VPS8: variants seen among roughly 807,000 people sequenced by gnomAD.
VPS8 encodes the protein VPS8 subunit of CORVET complex, also known as vacuolar protein sorting-associated protein 8 homolog.
A neutral mutation model predicts 216.4 loss-of-function variants in VPS8; 129 were observed. The ratio of observed to expected loss-of-function variants is 0.60; its 90% CI spans 0.52 to 0.69. VPS8 has a LOEUF of 0.69. Ranked by LOEUF, VPS8 falls within the 30% of genes least tolerant of loss-of-function variation. The pLI, the probability that VPS8 is intolerant of heterozygous loss-of-function variation, is 0.00. For missense variants in VPS8, 1,531 were observed against 1,683.5 expected (o/e 0.91, Z 1.59); for synonymous variants, 571 against 565.4 (o/e 1.01, Z -0.14).
chr3:185,023,093 C>A (rs569515310), intron 45 of VPS8, among the ~76,000 whole-genome samples: 1 of 152,264 alleles, frequency 6.6e-6, no homozygotes, highest in African/African-American at 2.4e-5. Context: ...ATGACTCTAC[C>A]CATCACCACC....
intron 5 of VPS8, 51 bp from the exon 6 acceptor site, chr3:184,838,663 T>C (rs1446302686): frequency 1.4e-6 from 2 of 1,432,894 alleles, no homozygotes; most frequent in East Asian, 2.5e-5. Flanking sequence ...TACCATTTTC[T>C]GTTTTAAAAT....
At position 184,915,073 on chromosome 3, in the gene VPS8, C is replaced by A. The variant is rs1737288552; in HGVS notation, c.2262+20C>A. 6.2e-7 allele frequency: 1 copy of A among 1,611,022 alleles called. No individual in the cohort carries two copies. The highest frequency in any genetic ancestry group is 1.3e-5 in the African/African-American group (1 of 74,980). On this transcript the variant is annotated intron_variant, in intron 27 of 47. Coordinates refer to ENST00000625842, the MANE Select transcript of VPS8 (RefSeq NM_001009921.3). ...AACCAGGTTGGTACTATTTTTATAG[C>A]CTTTTGACTGTTCTCCGTCTCTGGT...
rs758806246 is a variant in VPS8, at chr3:184,862,951, A to G, written c.1279A>G (p.Ile427Val). The G allele has an allele frequency of 1.9e-6, 3 of 1,613,958 alleles. No homozygotes were observed. The highest frequency in any genetic ancestry group is 2.5e-6 in the Non-Finnish European group (3 of 1,179,824). ...AGACAGCGTAGAGAAGTTGCATGTG[A>G]TTGATCGGCAAACACAAGAGGAATT... Reference protein sequence around the residue: ...LLDSVEKLHVIDRQTQEELET... With the variant: ...LLDSVEKLHVVDRQTQEELET... Residue 427 changes from isoleucine to valine, a missense_variant, in exon 16 of 48, where the codon ATT becomes GTT. By Grantham distance (29) the Ile-to-Val change is conservative. Around this residue, in one of 3 missense-constraint regions of VPS8, gnomAD observed 1,318 missense variants for 1,468.4 expected, o/e 0.90. Transcript: ENST00000625842.
intron 42 of VPS8, among the ~76,000 whole-genome samples, chr3:184,987,011 T>C (rs1751196451): frequency 6.6e-6 from 1 of 152,178 alleles, no homozygotes; most frequent in South Asian, 2.1e-4. Flanking sequence ...GACAAATGCA[T>C]AATGTCCTAT....
chr3:184,996,256 A>G (rs1326195008), intron 43 of VPS8, 76 bp from the exon 44 acceptor site: 2 of 1,449,022 alleles, frequency 1.4e-6, no homozygotes, highest in African/African-American at 1.4e-5. Flanking sequence ...AACAAGTGCT[A>G]TTCACCATTC....
At chr3:184,878,938 G>A (rs993754389) in intron 21 of VPS8, among the ~76,000 whole-genome samples, 25 of 152,080 alleles carry the variant, frequency 1.6e-4, no homozygotes, top group African/African-American at 5.1e-4. Flanking sequence ...TGGTGTATGC[G>A]TGTATACATA....
chr3:184,856,960 C>T (rs147149225), intron 14 of VPS8, among the ~76,000 whole-genome samples: 27 of 152,284 alleles, frequency 1.8e-4, no homozygotes, highest in East Asian at 1.2e-3. Flanking sequence ...TGGCCTCAAG[C>T]GTTCCTCCCA....
intron 42 of VPS8, among the ~76,000 whole-genome samples, chr3:184,990,887 T>C (rs1430654288): frequency 6.6e-6 from 1 of 151,326 alleles, no homozygotes; most frequent in Non-Finnish European, 1.5e-5. Context: ...GATCTTCACG[T>C]GTTTATTCAG....
chr3:185,002,248 G>A (rs1753516873), intron 45 of VPS8, among the ~76,000 whole-genome samples: 1 of 151,978 alleles, frequency 6.6e-6, no homozygotes, highest in South Asian at 2.1e-4. Context: ...ATCATGTTTA[G>A]GGAATTCCTT....
At chr3:184,997,065 A>G (rs1314909576) in intron 44 of VPS8, among the ~76,000 whole-genome samples, 2 of 152,218 alleles carry the variant, frequency 1.3e-5, no homozygotes, top group Non-Finnish European at 2.9e-5. Flanking sequence ...TGCCAGCTAG[A>G]CAGTTATTCA....
chr3:184,838,931 T>C, intron 6 of VPS8, 185 bp downstream of exon 6: 1 of 517,498 alleles, frequency 1.9e-6, no homozygotes, highest in Non-Finnish European at 3.3e-6. Context: ...TAATTTTTTG[T>C]TACTTTTTAG....
intron 44 of VPS8, among the ~76,000 whole-genome samples, chr3:184,998,903 A>T (rs1009738368): frequency 6.6e-6 from 1 of 151,404 alleles, no homozygotes; most frequent in Non-Finnish European, 1.5e-5. Context: ...TCTTTTTGAG[A>T]TGGAGTCTCA....
At chr3:185,005,624 A>T (rs1009198947) in intron 45 of VPS8, among the ~76,000 whole-genome samples, 13 of 142,086 alleles carry the variant, frequency 9.1e-5, no homozygotes, top group East Asian at 7.8e-4. Context: ...TATTTTATTT[A>T]TTTTATTTAT....
chr3:184,953,299 G>A (rs974949928), intron 36 of VPS8, among the ~76,000 whole-genome samples: 1 of 152,174 alleles, frequency 6.6e-6, no homozygotes, highest in African/African-American at 2.4e-5. Context: ...GAAATTACAG[G>A]CCAAATTGCA....
rs540933636 is a variant in VPS8 at position 185,002,304 on chromosome 3, AT to A, written c.4002+2447del. Among the ~76,000 whole-genome samples the A allele has an allele frequency of 1.7e-4, 26 of 152,248 alleles. No homozygotes were observed. The South Asian group carries it at 5.2e-3, about 30-fold the overall frequency. ...GAAATTTTTCATGAATTGGTGTAAA[AT>A]TTTGAAAGCCATTTACACTACATTG... is the stretch of plus-strand genomic sequence containing the variant. On this transcript the variant is annotated intron_variant, in intron 45 of 47. Coordinates refer to ENST00000625842, the MANE Select transcript of VPS8 (RefSeq NM_001009921.3).
At chr3:184,993,957 A>G in intron 42 of VPS8, 26 bp from the exon 43 acceptor site, 1 of 1,498,328 alleles carries the variant, frequency 6.7e-7, no homozygotes, top group Non-Finnish European at 9.0e-7. Flanking sequence ...CAGAATTGTA[A>G]CAGAATTGTA....
intron 37 of VPS8, among the ~76,000 whole-genome samples, chr3:184,964,135 T>C (rs928499480): frequency 2.0e-5 from 3 of 152,148 alleles, no homozygotes; most frequent in African/African-American, 7.2e-5. Flanking sequence ...TTTTCAATTT[T>C]TTAATAATTA....
At chr3:184,845,049 A>T (rs369269967) in intron 8 of VPS8, among the ~76,000 whole-genome samples, 1 of 152,352 alleles carries the variant, frequency 6.6e-6, no homozygotes, top group African/African-American at 2.4e-5. Context: ...GTAACCAAAT[A>T]TACCTTTATG....
chr3:184,904,380 T>G (rs1243112831), intron 25 of VPS8, among the ~76,000 whole-genome samples: 1 of 152,208 alleles, frequency 6.6e-6, no homozygotes, highest in Admixed American at 6.5e-5. Flanking sequence ...AAGTTTTCTT[T>G]ACCCAGTTTG....
Sources: allele counts gnomAD v4.1 joint callset (sites outside exome capture counted in the v4.1 genomes callset), GRCh38; gene constraint gnomAD v4.1.1; regional missense constraint gnomAD v4.1.1; transcripts MANE v1.5; gene names NCBI Gene and HGNC (gene_info 2026-07-23, HGNC 2026-07-21).